The following ZNF716 variants were observed in gnomAD, a reference collection of about 807,000 sequenced individuals.
ZNF716 encodes zinc finger protein 716.
A neutral mutation model predicts 13.4 loss-of-function variants in ZNF716; 9 were observed. The ratio of observed to expected loss-of-function variants is 0.67; its 90% confidence interval spans 0.41 to 1.18. The LOEUF (loss-of-function observed/expected upper bound fraction) is 1.18. ZNF716 is among the 50% of genes most tolerant of loss of function. The pLI, the probability that ZNF716 is intolerant of heterozygous loss-of-function variation, is 0.01. For missense variants in ZNF716, 581 were observed against 576.6 expected (o/e 1.01, Z -0.08); for synonymous variants, 186 against 195.2 (o/e 0.95, Z 0.39).
chr7:57,452,989 A>G (rs529470190), intron 1 of ZNF716, among the ~76,000 whole-genome samples: 67 of 152,166 alleles, frequency 4.4e-4, no homozygotes, highest in African/African-American at 1.5e-3. Flanking sequence ...ATCTCCTGGT[A>G]TACTCTTCCT....
At position 57,450,305 on chromosome 7, in the gene ZNF716, G is replaced by T. The variant is rs781904425; in HGVS notation, c.17G>T (p.Gly6Val). 1 of 1,613,996 alleles carries T rather than the reference G, an allele frequency of 6.2e-7. No homozygotes were observed. The highest frequency in any genetic ancestry group is 1.1e-5 in the South Asian group (1 of 91,082). ...CGCAGATTTATGGCTAAAAGACCGGGACCCCCTGGAAGCCGAGAAATGGTG... is the reference window on the plus strand; with the variant it reads ...CGCAGATTTATGGCTAAAAGACCGGTACCCCCTGGAAGCCGAGAAATGGTG... The part of the protein sequence containing the change: MAKRP[G>V]PPGSREMGLL... The change falls in exon 1 of 4, where the codon GGA becomes GTA. Residue 6 changes from glycine (G) to valine (V), a missense_variant. Physicochemically the swap from Gly to Val is moderately radical, Grantham distance 109. Coordinates refer to ENST00000420713, the MANE Select transcript of ZNF716 (RefSeq NM_001159279.1).
intron 1 of ZNF716, among the ~76,000 whole-genome samples, 151 bp downstream of exon 1, chr7:57,450,478 C>G (rs1462414555): frequency 1.3e-5 from 2 of 152,098 alleles, no homozygotes; most frequent in Non-Finnish European, 2.9e-5. Context: ...TTAGTCCCCT[C>G]GAGCGTTAAG....
At chr7:57,455,431 T>A (rs1789568025) in intron 1 of ZNF716, among the ~76,000 whole-genome samples, 1 of 152,224 alleles carries the variant, frequency 6.6e-6, no homozygotes, top group South Asian at 2.1e-4. Flanking sequence ...ATGTGATAAG[T>A]AAGAAAATAC....
At chr7:57,463,286 C>A in intron 3 of ZNF716, 118 bp downstream of exon 3, 2 of 1,392,248 alleles carry the variant, frequency 1.4e-6, no homozygotes, top group Non-Finnish European at 1.9e-6. Flanking sequence ...TTCTGAGAAG[C>A]CAGAGTCATT....
chr7:57,453,497 G>C (rs1789532069), intron 1 of ZNF716, among the ~76,000 whole-genome samples: 1 of 152,104 alleles, frequency 6.6e-6, no homozygotes, highest in African/African-American at 2.4e-5. Context: ...TTTACAAAGG[G>C]CATAAAAGAG....
intron 3 of ZNF716, 83 bp from the exon 4 acceptor site, chr7:57,468,641 G>C: frequency 7.3e-7 from 1 of 1,374,044 alleles, no homozygotes; most frequent in South Asian, 1.5e-5. Context: ...AATGTACTTT[G>C]TATAATTTTA....
At chr7:57,465,971 T>G (rs1554324017) in intron 3 of ZNF716, among the ~76,000 whole-genome samples, 1 of 148,040 alleles carries the variant, frequency 6.8e-6, no homozygotes, top group Non-Finnish European at 1.5e-5. Flanking sequence ...CACTTGTAGG[T>G]GGGAATTGAA....
intron 1 of ZNF716, among the ~76,000 whole-genome samples, chr7:57,457,011 A>G (rs1789604697): frequency 6.6e-6 from 1 of 152,212 alleles, no homozygotes; most frequent in Admixed American, 6.5e-5. Context: ...ATTCACAGAC[A>G]GACCCACTAG....
intron 3 of ZNF716, among the ~76,000 whole-genome samples, chr7:57,467,338 G>A (rs1288657540): frequency 3.9e-5 from 5 of 127,700 alleles, no homozygotes; most frequent in Non-Finnish European, 7.0e-5. Context: ...AGAAAGTTAT[G>A]TATTTTTTTC....
At position 57,468,865 on chromosome 7, in the gene ZNF716, G is replaced by T; in HGVS notation, c.404G>T (p.Cys135Phe). The change falls in exon 4 of 4, where the codon TGT (cysteine) becomes TTT (phenylalanine). Residue 135 changes from cysteine (C) to phenylalanine (F), a missense_variant. By Grantham distance (205) the Cys-to-Phe change is radical. Coordinates refer to ENST00000420713, the MANE Select transcript of ZNF716 (RefSeq NM_001159279.1). ...VKKCCKSVGE[C>F]EVHKGGYNYV... ...AAATGCTGTAAAAGTGTAGGTGAGT[G>T]TGAGGTGCACAAAGGAGGTTATAAT... 1 of 1,613,692 alleles carries T rather than the reference G, an allele frequency of 6.2e-7. No individual in the cohort carries two copies. The highest frequency in any genetic ancestry group is 1.3e-5 in the African/African-American group (1 of 75,020).
At chr7:57,457,267 C>A (rs1554322273) in intron 1 of ZNF716, among the ~76,000 whole-genome samples, 1 of 152,126 alleles carries the variant, frequency 6.6e-6, no homozygotes, top group African/African-American at 2.4e-5. Context: ...AGAGTATAGC[C>A]CCACATGGAC....
chr7:57,455,145 A>C (rs1308894718), intron 1 of ZNF716, among the ~76,000 whole-genome samples: 1 of 152,198 alleles, frequency 6.6e-6, no homozygotes, highest in East Asian at 1.9e-4. Context: ...AAACAAGTTT[A>C]GAAAGAGGAT....
intron 3 of ZNF716, among the ~76,000 whole-genome samples, chr7:57,468,210 T>C (rs1323560259): frequency 1.3e-5 from 2 of 152,222 alleles, no homozygotes; most frequent in African/African-American, 4.8e-5. Flanking sequence ...ACCTGTTTTC[T>C]GTCCATGGTA....
intron 1 of ZNF716, among the ~76,000 whole-genome samples, chr7:57,451,416 C>G (rs1789491222): frequency 6.6e-6 from 1 of 151,050 alleles, no homozygotes; most frequent in South Asian, 2.1e-4. Context: ...TTTTTACACC[C>G]CACAGGAAAT....
intron 1 of ZNF716, among the ~76,000 whole-genome samples, chr7:57,451,445 T>TTTA: frequency 7.5e-6 from 1 of 134,032 alleles, no homozygotes. Flanking sequence ...CCTTGGATTT[T>TTTA]TTTTTTTTTT....
At chr7:57,450,853 G>GT (rs202121125) in intron 1 of ZNF716, among the ~76,000 whole-genome samples, 1,831 of 152,234 alleles carry the variant, frequency 0.012, 43 homozygotes, top group African/African-American at 0.042. Context: ...TTTGTTATAA[G>GT]TTTCATGATG....
At position 57,468,784 on chromosome 7, in the gene ZNF716, A is replaced by G. The variant is rs782150456; in HGVS notation, c.323A>G (p.Gln108Arg). The G allele has an allele frequency of 6.2e-7, 1 of 1,613,526 alleles. No individual in the cohort carries two copies. The highest frequency in any genetic ancestry group is 1.1e-5 in the South Asian group (1 of 91,006). The change falls in exon 4 of 4, where the codon CAA (glutamine) becomes CGA (arginine). Residue 108 changes from glutamine (Q) to arginine (R), a missense_variant. Physicochemically the swap from Gln to Arg is conservative, Grantham distance 43 (BLOSUM62 1). Transcript: ENST00000420713. Reference protein sequence around the residue: ...QSEQGIKDSLQKVILRRYGKC... With the variant: ...QSEQGIKDSLRKVILRRYGKC... ...GAGCAGGGCATAAAAGATTCACTCC[A>G]AAAAGTGATACTGAGAAGATATGGA...
intron 3 of ZNF716, among the ~76,000 whole-genome samples, chr7:57,467,551 C>T (rs1789838865): frequency 6.6e-6 from 1 of 151,702 alleles, no homozygotes; most frequent in Non-Finnish European, 1.5e-5. Context: ...TTTTTCTGAT[C>T]TGCAAGGTTT....
intron 3 of ZNF716, among the ~76,000 whole-genome samples, chr7:57,465,414 A>G (rs1554323900): frequency 6.6e-6 from 1 of 152,004 alleles, no homozygotes; most frequent in Non-Finnish European, 1.5e-5. Context: ...GTGCAGTAGC[A>G]CAATCTTGGC....
Sources: allele counts gnomAD v4.1 joint callset (sites outside exome capture counted in the v4.1 genomes callset), GRCh38; gene constraint gnomAD v4.1.1; transcripts MANE v1.5; gene names NCBI Gene and HGNC (gene_info 2026-07-23, HGNC 2026-07-21).